The following CDH12 variants were observed in gnomAD, a reference collection of about 807,000 sequenced individuals.
CDH12 encodes the protein cadherin-12.
CDH12 carries 41 observed loss-of-function variants against 74.1 expected under a neutral mutation model. That is an observed-to-expected ratio of 0.55 (90% CI 0.43 to 0.72). The LOEUF (loss-of-function observed/expected upper bound fraction) is 0.72. Ranked by LOEUF, CDH12 falls within the 30% of genes least tolerant of loss-of-function variation. The pLI is 0.00. For missense variants in CDH12, 945 were observed against 977.2 expected, an observed-to-expected ratio of 0.97 and a Z score of 0.44; for synonymous variants, 399 against 355.0, an observed-to-expected ratio of 1.12 and a Z score of -1.39.
At chr5:22,730,614 G>T (rs960756858) in intron 1 of CDH12, among the ~76,000 whole-genome samples, 34 of 151,704 alleles carry the variant, frequency 2.2e-4, no homozygotes, top group Admixed American at 2.2e-3. Context: ...TCAGAAAACA[G>T]CACAAAAGGC....
intron 5 of CDH12, among the ~76,000 whole-genome samples, chr5:22,074,562 C>G (rs1580208008): frequency 6.6e-6 from 1 of 152,248 alleles, no homozygotes; most frequent in East Asian, 1.9e-4. Flanking sequence ...GCCATCTACT[C>G]ATCTGACAAA....
chr5:22,664,302 A>G (rs528400930), intron 1 of CDH12, among the ~76,000 whole-genome samples: 1 of 152,308 alleles, frequency 6.6e-6, no homozygotes, highest in South Asian at 2.1e-4. Flanking sequence ...AATGACTCAC[A>G]TTCAGCATGG....
At position 21,775,522 on chromosome 5, in the gene CDH12, C is replaced by T. The variant is rs146429836; in HGVS notation, c.1393+7836G>A. Among the ~76,000 whole-genome samples the T allele has an allele frequency of 1.2e-4, 18 of 152,252 alleles. 1 individual carries two copies. Among genetic ancestry groups the T allele is most frequent in the African/African-American group, 4.1e-4 (17 of 41,554 alleles). On this transcript the variant is annotated intron_variant, in intron 11 of 14. Coordinates refer to ENST00000382254, the MANE Select transcript of CDH12 (RefSeq NM_004061.5). ...CCTCAGCCTCCTCTCTGAATGTCTA[C>T]TCCTTGACAGCAACTATACCACACT...
At chr5:21,760,896 T>C (rs1398372817) in intron 12 of CDH12, among the ~76,000 whole-genome samples, 2 of 152,138 alleles carry the variant, frequency 1.3e-5, no homozygotes, top group East Asian at 1.9e-4. Flanking sequence ...TAATTTCAAA[T>C]TGATACCTGC....
intron 6 of CDH12, among the ~76,000 whole-genome samples, chr5:21,882,306 G>C (rs1184730265): frequency 6.6e-6 from 1 of 152,178 alleles, no homozygotes; most frequent in African/African-American, 2.4e-5. Flanking sequence ...GCCACACACA[G>C]AGGATGACGT....
intron 6 of CDH12, among the ~76,000 whole-genome samples, chr5:21,943,812 C>T (rs1487199725): frequency 6.6e-6 from 1 of 152,036 alleles, no homozygotes; most frequent in African/African-American, 2.4e-5. Context: ...GTGTTCAGTG[C>T]AAAATTAAAA....
intron 12 of CDH12, among the ~76,000 whole-genome samples, chr5:21,761,156 T>C (rs1744695424): frequency 6.6e-6 from 1 of 152,156 alleles, no homozygotes; most frequent in South Asian, 2.1e-4. Flanking sequence ...ACAAAAGCTG[T>C]ATATCTGCTT....
chr5:22,036,820 G>C (rs187180493), intron 5 of CDH12, among the ~76,000 whole-genome samples: 4 of 152,174 alleles, frequency 2.6e-5, no homozygotes, highest in Admixed American at 2.6e-4. Flanking sequence ...GCATTTCCCA[G>C]ACAAAGGCAT....
At chr5:22,222,165 A>G (rs535537215) in intron 3 of CDH12, among the ~76,000 whole-genome samples, 34 of 152,088 alleles carry the variant, frequency 2.2e-4, no homozygotes, top group African/African-American at 7.5e-4. Context: ...ACAGGTGTTT[A>G]TCTGCTTCAT....
intron 5 of CDH12, among the ~76,000 whole-genome samples, chr5:22,035,602 A>G (rs184316951): frequency 2.3e-3 from 350 of 152,140 alleles, no homozygotes; most frequent in African/African-American, 8.1e-3. Context: ...AAATTAGAAT[A>G]TCAATCATCA....
At chr5:22,160,756 G>A (rs578053012) in intron 4 of CDH12, among the ~76,000 whole-genome samples, 1 of 151,984 alleles carries the variant, frequency 6.6e-6, no homozygotes, top group African/African-American at 2.4e-5. Context: ...AACTCCCTTG[G>A]GCCTATATTA....
chr5:22,732,463 TATATATATACAC>T (rs771708467), intron 1 of CDH12, among the ~76,000 whole-genome samples: 42 of 98,324 alleles, frequency 4.3e-4, no homozygotes, highest in Admixed American at 1.9e-3. Context: ...TGTGTATATA[TATATATATACAC>T]ACACACACAC....
chr5:22,520,710 G>A (rs1043300070), intron 1 of CDH12, among the ~76,000 whole-genome samples: 4 of 152,230 alleles, frequency 2.6e-5, no homozygotes, highest in Non-Finnish European at 4.4e-5. Flanking sequence ...TTCAGTGATC[G>A]TTATATAAAG....
chr5:22,317,332 A>T (rs1738676534), intron 3 of CDH12, among the ~76,000 whole-genome samples: 1 of 152,168 alleles, frequency 6.6e-6, no homozygotes, highest in Non-Finnish European at 1.5e-5. Flanking sequence ...AAAAAATAAA[A>T]AAATTAAGCC....
chr5:22,549,136 T>TG, intron 1 of CDH12, among the ~76,000 whole-genome samples: 1 of 151,384 alleles, frequency 6.6e-6, no homozygotes, highest in South Asian at 2.1e-4. Context: ...GTTTTTTTTT[T>TG]GTTTTTTTTG....
chr5:21,838,872 C>T (rs1031261613), intron 8 of CDH12, among the ~76,000 whole-genome samples: 1 of 152,190 alleles, frequency 6.6e-6, no homozygotes, highest in Non-Finnish European at 1.5e-5. Context: ...TACAAACCAG[C>T]CTTCATCCAT....
chr5:22,615,863 AG>A lies in CDH12; in HGVS notation c.-522-110500del, dbSNP rs534688097. 2.0e-3 allele frequency among the ~76,000 whole-genome samples: 304 copies of A among 152,220 alleles called. 3 individuals carry two copies. Among genetic ancestry groups the A allele is most frequent in the African/African-American group, 6.8e-3 (284 of 41,546 alleles). On this transcript the variant is annotated intron_variant, in intron 1 of 14. Coordinates refer to ENST00000382254, the MANE Select transcript of CDH12 (RefSeq NM_004061.5). ...GTTGGGAATAAATGTGTAAGCTTTG[AG>A]GGGGTAGATCATCCACAGACACTGA...
intron 1 of CDH12, among the ~76,000 whole-genome samples, chr5:22,825,174 A>T (rs954872228): frequency 1.6e-4 from 25 of 152,120 alleles, no homozygotes; most frequent in African/African-American, 5.6e-4. Context: ...AGACACTGAT[A>T]ATATAGCAAG....
At chr5:22,611,252 C>T (rs1400850127) in intron 1 of CDH12, among the ~76,000 whole-genome samples, 1 of 151,914 alleles carries the variant, frequency 6.6e-6, no homozygotes, top group Non-Finnish European at 1.5e-5. Context: ...TTAAACTTTC[C>T]CCTCTTTCTA....
Sources: gnomAD v4.1 joint callset for allele counts (sites outside exome capture counted in the v4.1 genomes callset) on GRCh38, gnomAD v4.1.1 for gene constraint, MANE v1.5 for transcripts, NCBI Gene and HGNC (gene_info 2026-07-23, HGNC 2026-07-21) for gene names.